Variants in FCHSD2 observed in about 807,000 individuals in gnomAD.
FCHSD2 encodes the protein FCH and double SH3 domains 2.
In FCHSD2, 38 loss-of-function variants were observed where a neutral mutation model predicts 108.1. The observed-to-expected ratio is 0.35, with a 90% CI of 0.27 to 0.46. The LOEUF (loss-of-function observed/expected upper bound fraction) is 0.46, where lower values mean the gene tolerates loss of function less well. Among genes scored for constraint, FCHSD2 ranks in the 20% least tolerant of loss-of-function variants. The pLI is 1.00. For missense variants in FCHSD2, 751 were observed against 897.8 expected (o/e 0.84, Z 2.09); for synonymous variants, 279 against 314.7 (o/e 0.89, Z 1.20).
rs1856724891 is a variant in FCHSD2, at chr11:72,957,027, T to C, written c.705+27061A>G. On this transcript the variant is annotated intron_variant, in intron 8 of 19. Coordinates refer to ENST00000409418, the MANE Select transcript of FCHSD2 (RefSeq NM_014824.3). ...AATCAAAGGACTCTAGTCTTTTTTT[T>C]TTTTTCTTCTTTTTTTTTATTATAC... Among the ~76,000 whole-genome samples the C allele has an allele frequency of 8.6e-5, 13 of 152,032 alleles. No homozygotes were observed. The South Asian group carries it at 2.5e-3, about 29-fold the overall frequency.
intron 18 of FCHSD2, 52 bp from the exon 19 acceptor site, chr11:72,841,011 T>A (rs111883118): frequency 0.011 from 15,508 of 1,361,974 alleles, 113 homozygotes; most frequent in Non-Finnish European, 0.014. Flanking sequence ...TGAGCAATAA[T>A]GCTGATGCAA....
At chr11:72,845,280 G>C (rs1008776453) in intron 14 of FCHSD2, among the ~76,000 whole-genome samples, 2 of 151,812 alleles carry the variant, frequency 1.3e-5, no homozygotes, top group Admixed American at 6.6e-5. Context: ...AAATTGGTGG[G>C]TGTGGTGGCA....
chr11:73,081,426 T>G (rs1395722785), intron 3 of FCHSD2, among the ~76,000 whole-genome samples: 2 of 152,128 alleles, frequency 1.3e-5, no homozygotes, highest in African/African-American at 2.4e-5. Context: ...AGAGTGAGAC[T>G]CCATCTCAAT....
chr11:73,030,804 A>T (rs1235882557), intron 3 of FCHSD2, among the ~76,000 whole-genome samples: 1 of 152,230 alleles, frequency 6.6e-6, no homozygotes, highest in Non-Finnish European at 1.5e-5. Flanking sequence ...TCACATTGTT[A>T]TCCCTTTTTG....
intron 13 of FCHSD2, among the ~76,000 whole-genome samples, chr11:72,855,279 A>AAAACAAAC (rs201512091): frequency 1.0e-3 from 157 of 151,096 alleles, no homozygotes; most frequent in South Asian, 3.6e-3. Flanking sequence ...CTCCGTCTCA[A>AAAACAAAC]AAACAAACAA....
intron 8 of FCHSD2, among the ~76,000 whole-genome samples, chr11:72,936,776 T>C (rs1030479450): frequency 6.6e-6 from 1 of 152,264 alleles, no homozygotes; most frequent in Non-Finnish European, 1.5e-5. Context: ...TTCCTTTTTA[T>C]AATTTGTATC....
intron 5 of FCHSD2, among the ~76,000 whole-genome samples, chr11:72,999,315 C>CTTTT (rs777275615): frequency 2.2e-4 from 23 of 103,748 alleles, no homozygotes; most frequent in African/African-American, 3.9e-4. Flanking sequence ...ACCAAAGATT[C>CTTTT]TTTTTTTTTT....
At chr11:72,910,796 C>G (rs867252256) in intron 9 of FCHSD2, among the ~76,000 whole-genome samples, 1 of 147,998 alleles carries the variant, frequency 6.8e-6, no homozygotes, top group Non-Finnish European at 1.5e-5. Context: ...TCCCCCTCTC[C>G]GAGAAACACC....
At chr11:72,893,479 TAA>T (rs2135257652) in intron 10 of FCHSD2, among the ~76,000 whole-genome samples, 1 of 152,142 alleles carries the variant, frequency 6.6e-6, no homozygotes, top group East Asian at 1.9e-4. Flanking sequence ...CACACGCAGA[TAA>T]TTTTTTTGAT....
chr11:72,959,220 CTTTTTTTTTTTT>C (rs11408216), intron 8 of FCHSD2, among the ~76,000 whole-genome samples: 23 of 56,326 alleles, frequency 4.1e-4, no homozygotes, highest in Non-Finnish European at 6.4e-4. Flanking sequence ...ATCCAGCAGT[CTTTTTTTTTTTT>C]TTTTTTTTTT....
intron 2 of FCHSD2, among the ~76,000 whole-genome samples, chr11:73,136,553 T>C (rs1861124957): frequency 6.6e-6 from 1 of 151,684 alleles, no homozygotes; most frequent in African/African-American, 2.4e-5. Context: ...TCAAATTTAA[T>C]AATAATAAAA....
intron 8 of FCHSD2, among the ~76,000 whole-genome samples, chr11:72,950,935 GA>G (rs1856610055): frequency 6.6e-6 from 1 of 152,162 alleles, no homozygotes; most frequent in Non-Finnish European, 1.5e-5. Context: ...AGTGTGAACA[GA>G]AGTAACATTT....
intron 3 of FCHSD2, among the ~76,000 whole-genome samples, chr11:73,040,005 T>A (rs1858596088): frequency 1.3e-5 from 2 of 152,128 alleles, no homozygotes; most frequent in Admixed American, 1.3e-4. Context: ...AGAAGAAAAT[T>A]TTTCTCCCAG....
At chr11:73,140,517 G>C (rs186890603) in intron 1 of FCHSD2, among the ~76,000 whole-genome samples, 1 of 152,162 alleles carries the variant, frequency 6.6e-6, no homozygotes, top group East Asian at 1.9e-4. Flanking sequence ...GTGTGGATGG[G>C]GGCTGGGAGC....
chr11:72,974,014 T>C (rs975980293), intron 8 of FCHSD2, among the ~76,000 whole-genome samples: 3 of 134,982 alleles, frequency 2.2e-5, no homozygotes, highest in African/African-American at 5.7e-5. Flanking sequence ...TAATCAAATA[T>C]AACCAAGTGG....
intron 2 of FCHSD2, among the ~76,000 whole-genome samples, chr11:73,134,301 T>C (rs72984921): frequency 1.2e-3 from 186 of 152,018 alleles, no homozygotes; most frequent in Non-Finnish European, 2.0e-3. Flanking sequence ...TGAAACCCTC[T>C]CTCTACAAAA....
rs368161429 is a variant in FCHSD2 at position 73,033,904 on chromosome 11, A to G, written c.166-18019T>C. Among the ~76,000 whole-genome samples the G allele has an allele frequency of 3.5e-3, 531 of 152,286 alleles. 1 individual carries two copies. Among genetic ancestry groups the G allele is most frequent in the African/African-American group, 0.012 (509 of 41,524 alleles). On this transcript the variant is annotated intron_variant, in intron 3 of 19. Transcript: ENST00000409418. ...TGACTTGAAGTTGAAACATGATGGT[A>G]AACAACGCTTATGACACAGAAACAT...
chr11:72,982,996 TAA>T (rs1456727713), intron 8 of FCHSD2, among the ~76,000 whole-genome samples: 5 of 151,966 alleles, frequency 3.3e-5, no homozygotes, highest in Non-Finnish European at 2.9e-5. Flanking sequence ...CTCTTGTTTC[TAA>T]AAATAAAAGA....
chr11:73,088,382 A>C (rs1002061506), intron 2 of FCHSD2, among the ~76,000 whole-genome samples: 1 of 152,186 alleles, frequency 6.6e-6, no homozygotes, highest in African/African-American at 2.4e-5. Flanking sequence ...TGATGTTCAC[A>C]CAATGACGAA....
Sources: gnomAD v4.1 joint callset for allele counts (sites outside exome capture counted in the v4.1 genomes callset) on GRCh38, gnomAD v4.1.1 for gene constraint, MANE v1.5 for transcripts, NCBI Gene and HGNC (gene_info 2026-07-23, HGNC 2026-07-21) for gene names.